CAB39L: variants seen among roughly 807,000 people sequenced by gnomAD.
CAB39L encodes the protein calcium-binding protein 39-like.
A neutral mutation model predicts 39.1 loss-of-function variants in CAB39L; 23 were observed. That is an observed-to-expected ratio of 0.59 (90% CI 0.42 to 0.83). The LOEUF is 0.83. Among genes scored for constraint, CAB39L ranks in the 40% least tolerant of loss-of-function variants. The pLI is 0.00. For synonymous variants in CAB39L, 126 were observed against 137.2 expected (o/e 0.92, Z 0.57); for missense variants, 366 against 391.9 (o/e 0.93, Z 0.56).
chr13:49,353,269 AT>A (rs1425573218), intron 6 of CAB39L, among the ~76,000 whole-genome samples: 2 of 152,194 alleles, frequency 1.3e-5, no homozygotes, highest in African/African-American at 4.8e-5. Flanking sequence ...GTGGGGTTTT[AT>A]TAAAGATGTT....
At chr13:49,383,014 A>T in intron 3 of CAB39L, 73 bp from the exon 4 acceptor site, 1 of 596,724 alleles carries the variant, frequency 1.7e-6, no homozygotes, top group Middle Eastern at 4.3e-4. Flanking sequence ...CCAATGTCTT[A>T]TAAGTTTTCA....
intron 3 of CAB39L, among the ~76,000 whole-genome samples, chr13:49,391,157 T>G (rs1467128864): frequency 3.9e-5 from 6 of 152,246 alleles, no homozygotes; most frequent in Non-Finnish European, 7.4e-5. Flanking sequence ...CAGAGTGGAA[T>G]CAGGATTAGT....
At chr13:49,401,154 G>A (rs533564760) in intron 3 of CAB39L, 1 of 152,288 alleles carries the variant, frequency 6.6e-6, no homozygotes, top group South Asian at 2.1e-4. Flanking sequence ...GAAATGCCTA[G>A]GCTTTTCTAA....
rs759738433 is a variant in CAB39L at position 49,339,742 on chromosome 13, T to C, written c.625A>G (p.Ile209Val). Residue 209 changes from isoleucine (I) to valine (V), a missense_variant and splice_region_variant, in exon 9 of 11, where the codon ATT becomes GTT. By Grantham distance (29) the Ile-to-Val change is conservative. Transcript: ENST00000409308. ...ADFLEQNYDTIFEDYEKLLQS... is the reference protein window; with the variant it reads ...ADFLEQNYDTVFEDYEKLLQS... ...AGCAATTTCTCATAGTCTTCAAAAA[T>C]CTAATGAAAAGAAAATACACATTAG... 12 of 1,579,254 alleles carry C rather than the reference T, an allele frequency of 7.6e-6. No homozygotes were observed. Among genetic ancestry groups the C allele is most frequent in the Non-Finnish European group, 9.4e-6 (11 of 1,164,164 alleles).
chr13:49,336,655 T>C (rs1017474220), intron 9 of CAB39L, among the ~76,000 whole-genome samples: 10 of 152,158 alleles, frequency 6.6e-5, no homozygotes, highest in African/African-American at 2.4e-4. Flanking sequence ...ATGAGCAACT[T>C]CCTATATGCT....
intron 3 of CAB39L, among the ~76,000 whole-genome samples, chr13:49,430,526 C>G (rs1594097381): frequency 6.6e-6 from 1 of 152,148 alleles, no homozygotes; most frequent in Non-Finnish European, 1.5e-5. Flanking sequence ...GGTTTTTCTC[C>G]TTTTTCAATT....
chr13:49,415,168 G>T (rs1009768752), intron 3 of CAB39L, among the ~76,000 whole-genome samples: 4 of 151,850 alleles, frequency 2.6e-5, no homozygotes, highest in Admixed American at 2.6e-4. Flanking sequence ...CTGCACTCCA[G>T]TCTGGGCAAC....
chr13:49,312,580 C>T (rs559678720), intron 10 of CAB39L, among the ~76,000 whole-genome samples: 11 of 152,168 alleles, frequency 7.2e-5, no homozygotes, highest in Non-Finnish European at 5.9e-5. Context: ...CCTAGGTCTG[C>T]GTAAATGCAC....
At chr13:49,322,454 G>A (rs1271828507) in intron 10 of CAB39L, among the ~76,000 whole-genome samples, 2 of 152,154 alleles carry the variant, frequency 1.3e-5, no homozygotes, top group Non-Finnish European at 2.9e-5. Flanking sequence ...TTCCTTCAAC[G>A]TGAAATCACT....
chr13:49,439,644 T>C (rs1957472265), intron 1 of CAB39L, among the ~76,000 whole-genome samples: 1 of 152,242 alleles, frequency 6.6e-6, no homozygotes, highest in Admixed American at 6.5e-5. Context: ...TCTGAGTTTT[T>C]TGAGAAACCT....
intron 1 of CAB39L, among the ~76,000 whole-genome samples, chr13:49,440,739 TGTG>T (rs1957500920): frequency 1.3e-5 from 2 of 151,108 alleles, no homozygotes; most frequent in Non-Finnish European, 3.0e-5. Flanking sequence ...TGTGTGTGTG[TGTG>T]TGTGTGTGTG....
intron 10 of CAB39L, among the ~76,000 whole-genome samples, chr13:49,325,429 A>C (rs1271301218): frequency 1.3e-5 from 2 of 152,176 alleles, no homozygotes; most frequent in Non-Finnish European, 2.9e-5. Flanking sequence ...CTTGGTCTCA[A>C]TTGCTTTCTC....
chr13:49,442,815 A>AAAAAAAAAAC (rs1957561090), intron 1 of CAB39L, among the ~76,000 whole-genome samples: 1 of 148,934 alleles, frequency 6.7e-6, no homozygotes, highest in African/African-American at 2.5e-5. Flanking sequence ...AAAAAAAAAA[A>AAAAAAAAAAC]AAAACATCAA....
intron 10 of CAB39L, among the ~76,000 whole-genome samples, chr13:49,328,583 C>A (rs935094363): frequency 6.6e-6 from 1 of 151,862 alleles, no homozygotes; most frequent in African/African-American, 2.4e-5. Flanking sequence ...TCATACCCAG[C>A]CATAATAGAG....
intron 5 of CAB39L, among the ~76,000 whole-genome samples, chr13:49,363,712 A>G (rs1955693499): frequency 6.6e-6 from 1 of 151,902 alleles, no homozygotes; most frequent in South Asian, 2.1e-4. Context: ...TAAAGTGGCT[A>G]CTTGGGAGGC....
rs1469877778 is a variant in CAB39L at position 49,372,757 on chromosome 13, G to A, written c.276+4210C>T. The stretch of plus-strand genomic sequence containing the variant: ...GCAATCTCGGCTCACTGCAAGCTCC[G>A]CCTCCTGGGTTCACGCCATTCTCCT... On this transcript the variant is annotated intron_variant, in intron 5 of 10. Coordinates refer to ENST00000409308, the MANE Select transcript of CAB39L (RefSeq NM_001079670.3). Among the ~76,000 whole-genome samples, 6 of 152,158 alleles carry A rather than the reference G, an allele frequency of 3.9e-5. No homozygotes were observed. In the South Asian group the frequency reaches 1.0e-3, roughly 26 times the overall value.
In CAB39L at chr13:49,359,809, T is replaced by C. The variant is rs1344399948; in HGVS notation, c.300A>G (p.Ile100Met). 1 of 1,609,768 alleles carries C rather than the reference T, an allele frequency of 6.2e-7. No homozygotes were observed. Among genetic ancestry groups the C allele is most frequent in the South Asian group, 1.1e-5 (1 of 90,900 alleles). ...TCTGTCTTCTCAAGATGTTGTTAAA[T>C]ATCTGGGTCACATCTTTTTTTCCCT... ...DFEGKKDVTQ[I>M]FNNILRRQIG... The change falls in exon 6 of 11, where the codon ATA becomes ATG. Residue 100 changes from isoleucine (I) to methionine (M), a missense_variant. Transcript: ENST00000409308.
chr13:49,390,365 G>A (rs930177366), intron 3 of CAB39L, among the ~76,000 whole-genome samples: 1 of 152,258 alleles, frequency 6.6e-6, no homozygotes, highest in African/African-American at 2.4e-5. Flanking sequence ...TCCCACCTCA[G>A]CCTTACAAAG....
In CAB39L at chr13:49,382,801, TTGTC is replaced by T. The variant is rs1956275535; in HGVS notation, c.106_109del (p.Asp36ArgfsTer13). 1.3e-5 allele frequency: 21 copies of T among 1,579,324 alleles called. No homozygotes were observed. The highest frequency in any genetic ancestry group is 1.7e-5 in the Non-Finnish European group (20 of 1,149,906). On this transcript the variant is annotated frameshift_variant and splice_region_variant, in exon 4 of 11. Coordinates refer to ENST00000409308, the MANE Select transcript of CAB39L (RefSeq NM_001079670.3). LOFTEE classifies it high-confidence loss of function. ...TAATGTTACTGTTTTAGCTCTTACC[TTGTC>T]TGTCTTTTTGTCTTGCTTTTCCAAA...
Sources: gnomAD v4.1 joint callset for allele counts (sites outside exome capture counted in the v4.1 genomes callset) on GRCh38, gnomAD v4.1.1 for gene constraint, MANE v1.5 for transcripts, NCBI Gene and HGNC (gene_info 2026-07-23, HGNC 2026-07-21) for gene names.